Variants in SCN2A observed in about 807,000 individuals in gnomAD.
SCN2A encodes the protein sodium channel protein type 2 subunit alpha.
Under a neutral mutation model 188.7 loss-of-function variants are expected in SCN2A, and 20 were observed. The observed-to-expected ratio is 0.11, with a 90% confidence interval of 0.07 to 0.15. SCN2A has a LOEUF of 0.15. Ranked by LOEUF, SCN2A falls within the 10% of genes least tolerant of loss-of-function variation. The pLI is 1.00. For synonymous variants in SCN2A, 804 were observed against 833.1 expected, an observed-to-expected ratio of 0.97 and a Z score of 0.60; for missense variants, 1,278 against 2,445.0, an observed-to-expected ratio of 0.52 and a Z score of 10.07.
intron 1 of SCN2A, among the ~76,000 whole-genome samples, chr2:165,295,042 C>T (rs1212714461): frequency 6.6e-6 from 1 of 152,174 alleles, no homozygotes; most frequent in African/African-American, 2.4e-5. Context: ...TAGCTAGCAG[C>T]AGGTTGCTAA....
chr2:165,257,726 T>C (rs1694391212), intron 1 of SCN2A, among the ~76,000 whole-genome samples: 1 of 152,088 alleles, frequency 6.6e-6, no homozygotes, highest in Non-Finnish European at 1.5e-5. Flanking sequence ...TTTATAGAGA[T>C]GGGTTTTCAC....
rs576967921 is a variant in SCN2A, at chr2:165,391,986, A to G, written c.*2162A>G. The G allele has an allele frequency of 1.3e-5, 2 of 152,690 alleles. No homozygotes were observed. The highest frequency in any genetic ancestry group is 4.1e-4 in the South Asian group (2 of 4,828). The allele number at this position is 152,690 out of a possible 1,614,324, so 9.5% of individuals were successfully genotyped here. ...GCATGCAGGAAAATGCTGTTACCAT[A>G]AAGAACGGTAAACCACATTACAATC... On this transcript the variant is annotated 3_prime_UTR_variant, in exon 27 of 27. Coordinates refer to ENST00000375437, the MANE Select transcript of SCN2A (RefSeq NM_001040142.2).
chr2:165,308,026 A>G, intron 4 of SCN2A, 89 bp downstream of exon 4: 1 of 882,252 alleles, frequency 1.1e-6, no homozygotes, highest in Non-Finnish European at 1.9e-6. Flanking sequence ...TTCTTTAACA[A>G]ATCATGCTAG....
rs189735691 is a variant in SCN2A, at chr2:165,315,803, A to T, written c.1671+45A>T. 1.8e-3 allele frequency: 2,889 copies of T among 1,592,690 alleles called. 39 individuals carry two copies. The African/African-American group carries it at 0.027, about 15-fold the overall frequency. ...TGAATTGTGTTCTCATAAATTTTTT[A>T]AAAAAATATGCCAGAATTTAATGGA... On this transcript the variant is annotated intron_variant, in intron 11 of 26. Coordinates refer to ENST00000375437, the MANE Select transcript of SCN2A (RefSeq NM_001040142.2).
intron 14 of SCN2A, among the ~76,000 whole-genome samples, chr2:165,341,107 T>G (rs1009426134): frequency 3.9e-5 from 6 of 152,256 alleles, no homozygotes; most frequent in African/African-American, 1.2e-4. Flanking sequence ...GTTTGTTTGT[T>G]TTTTGAGACG....
At chr2:165,300,416 G>A (rs957482980) in intron 3 of SCN2A, among the ~76,000 whole-genome samples, 23 of 152,136 alleles carry the variant, frequency 1.5e-4, no homozygotes, top group African/African-American at 4.3e-4. Context: ...CAAATACGTC[G>A]ATTGGGAGCT....
At chr2:165,323,607 A>G (rs2105277603) in intron 12 of SCN2A, 107 bp downstream of exon 12, 1 of 1,069,538 alleles carries the variant, frequency 9.3e-7, no homozygotes, top group East Asian at 2.6e-5. Context: ...TGTTGCCCAA[A>G]GGCTGGGAGT....
At chr2:165,250,778 T>C (rs968921644) in intron 1 of SCN2A, among the ~76,000 whole-genome samples, 6 of 152,064 alleles carry the variant, frequency 3.9e-5, no homozygotes, top group Non-Finnish European at 8.8e-5. Flanking sequence ...TCTTCTGACA[T>C]TGAGATGGCA....
chr2:165,341,682 A>G (rs2105313527), intron 14 of SCN2A, among the ~76,000 whole-genome samples: 1 of 152,328 alleles, frequency 6.6e-6, no homozygotes, highest in South Asian at 2.1e-4. Flanking sequence ...ACGCTGAAGT[A>G]CTGAGACTGT....
intron 1 of SCN2A, among the ~76,000 whole-genome samples, chr2:165,279,868 G>A (rs1308321428): frequency 1.3e-5 from 2 of 152,152 alleles, no homozygotes; most frequent in Admixed American, 6.5e-5. Context: ...GAATCATGTG[G>A]GCAGGTGTCT....
At chr2:165,288,161 T>C (rs1323106019) in intron 1 of SCN2A, among the ~76,000 whole-genome samples, 1 of 152,182 alleles carries the variant, frequency 6.6e-6, no homozygotes, top group Admixed American at 6.5e-5. Context: ...TGATAGCTTG[T>C]CCTAAAATGT....
intron 13 of SCN2A, among the ~76,000 whole-genome samples, chr2:165,329,504 A>C (rs1698560876): frequency 6.6e-6 from 1 of 152,124 alleles, no homozygotes; most frequent in Non-Finnish European, 1.5e-5. Flanking sequence ...GAATAATTGA[A>C]TGATTTTATT....
rs796053167 is a variant in SCN2A at position 165,295,929 on chromosome 2, A to G, written c.106A>G (p.Arg36Gly). 6.2e-6 allele frequency: 10 copies of G among 1,614,202 alleles called. No individual in the cohort carries two copies. Among genetic ancestry groups the G allele is most frequent in the Non-Finnish European group, 7.6e-6 (9 of 1,180,046 alleles). ...EQRIAEEKAK[R>G]PKQERKDEDD... ...ACGCATTGCAGAAGAGAAAGCTAAG[A>G]GACCCAAACAGGAACGCAAGGATGA... Residue 36 changes from arginine to glycine, a missense_variant, in exon 2 of 27, where the codon AGA becomes GGA. By Grantham distance (125) the Arg-to-Gly change is moderately radical (BLOSUM62 -2). Transcript: ENST00000375437.
At chr2:165,339,671 A>G (rs1227512173) in intron 14 of SCN2A, among the ~76,000 whole-genome samples, 5 of 152,222 alleles carry the variant, frequency 3.3e-5, no homozygotes, top group Non-Finnish European at 5.9e-5. Flanking sequence ...ATTTAAACAA[A>G]TGGAAATATA....
At chr2:165,251,886 C>T (rs1694111409) in intron 1 of SCN2A, among the ~76,000 whole-genome samples, 1 of 151,774 alleles carries the variant, frequency 6.6e-6, no homozygotes, top group South Asian at 2.1e-4. Context: ...CACATGGATC[C>T]AATTTTTTTA....
chr2:165,256,208 T>C (rs1459183087), intron 1 of SCN2A, among the ~76,000 whole-genome samples: 2 of 152,170 alleles, frequency 1.3e-5, no homozygotes, highest in East Asian at 3.9e-4. Flanking sequence ...TTTCACCTTG[T>C]TGGTCAGGCT....
At chr2:165,276,161 G>A (rs73969332) in intron 1 of SCN2A, among the ~76,000 whole-genome samples, 16,600 of 151,780 alleles carry the variant, frequency 0.11, 1,312 homozygotes, top group African/African-American at 0.23. Flanking sequence ...TTGTTTGTTT[G>A]TTTTGCTCAG....
At chr2:165,264,214 C>T (rs1006405329) in intron 1 of SCN2A, among the ~76,000 whole-genome samples, 6 of 152,010 alleles carry the variant, frequency 3.9e-5, no homozygotes, top group African/African-American at 1.4e-4. Flanking sequence ...CAAAATCCTG[C>T]ACTAACCAAA....
intron 12 of SCN2A, among the ~76,000 whole-genome samples, chr2:165,325,305 T>A (rs1169341843): frequency 6.6e-6 from 1 of 152,206 alleles, no homozygotes; most frequent in Non-Finnish European, 1.5e-5. Flanking sequence ...GGTCCCTTTA[T>A]TTCCTGCTTC....
Sources: allele counts gnomAD v4.1 joint callset (sites outside exome capture counted in the v4.1 genomes callset), GRCh38; gene constraint gnomAD v4.1.1; transcripts MANE v1.5; gene names NCBI Gene and HGNC (gene_info 2026-07-23, HGNC 2026-07-21).